Variants in ZFHX3 observed in about 807,000 individuals in gnomAD.
ZFHX3 encodes zinc finger homeobox 3.
In ZFHX3, 42 loss-of-function variants were observed where a neutral mutation model predicts 279.1. The ratio of observed to expected loss-of-function variants is 0.15; its 90% CI spans 0.12 to 0.19. The LOEUF (loss-of-function observed/expected upper bound fraction) is 0.19. Ranked by LOEUF, ZFHX3 falls within the 10% of genes least tolerant of loss-of-function variation. ZFHX3 has a pLI of 1.00. For synonymous variants in ZFHX3, 2,293 were observed against 1,957.8 expected, an observed-to-expected ratio of 1.17 and a Z score of -4.52; for missense variants, 4,981 against 4,754.0, an observed-to-expected ratio of 1.05 and a Z score of -1.40.
At chr16:72,985,231 G>C (rs1257438663) in intron 1 of ZFHX3, among the ~76,000 whole-genome samples, 1 of 152,110 alleles carries the variant, frequency 6.6e-6, no homozygotes, top group Non-Finnish European at 1.5e-5. Flanking sequence ...AACCACACCA[G>C]AGATGGGCTA....
Position 72,787,855 on chromosome 16 carries a change from A to C in ZFHX3, c.10421T>G (p.Phe3474Cys). 6.2e-7 allele frequency: 1 copy of C among 1,613,976 alleles called. No individual in the cohort carries two copies. Among genetic ancestry groups the C allele is most frequent in the Non-Finnish European group, 8.5e-7 (1 of 1,180,006 alleles). ...KLVCRKCQAGFSDEEAARSHL... is the reference protein window; with the variant it reads ...KLVCRKCQAGCSDEEAARSHL... ...GCTCCTCGCTGCCTCCTCGTCGCTG[A>C]AGCCCGCCTGGCACTTGCGGCAGAC... The change falls in exon 10 of 10, where the codon TTC becomes TGC. Residue 3474 changes from phenylalanine to cysteine, a missense_variant. Phe to Cys is a radical substitution (Grantham distance 205, BLOSUM62 -2). Coordinates refer to ENST00000268489, the MANE Select transcript of ZFHX3 (RefSeq NM_006885.4).
chr16:73,566,018 G>A (rs2020445826), intron 2 of ZFHX3, among the ~76,000 whole-genome samples: 2 of 152,208 alleles, frequency 1.3e-5, no homozygotes, highest in South Asian at 4.1e-4. Context: ...CACCTGGGTA[G>A]AAGACCCCTG....
intron 5 of ZFHX3, among the ~76,000 whole-genome samples, chr16:73,236,466 T>C (rs1397856481): frequency 1.3e-5 from 2 of 152,194 alleles, no homozygotes; most frequent in East Asian, 3.9e-4. Flanking sequence ...GGCACATGTC[T>C]GTAATCCCAG....
At chr16:73,445,303 T>TGTGTGC (rs1424080186) in intron 3 of ZFHX3, among the ~76,000 whole-genome samples, 1 of 11,848 alleles carries the variant, frequency 8.4e-5, no homozygotes, top group Non-Finnish European at 4.8e-4. Flanking sequence ...TGTATATGTA[T>TGTGTGC]GTGTGTGTGT....
rs1567567120 is a variant in ZFHX3 at position 72,889,600 on chromosome 16, G to A, written c.3448+131C>T. On this transcript the variant is annotated intron_variant, in intron 4 of 9. Transcript: ENST00000268489. ...TCCTTCCAAAACACAATGCTCACCT[G>A]TGAAGTCAGTAAGGAACATGAGGAC... 7 of 812,032 alleles carry A rather than the reference G, an allele frequency of 8.6e-6. 1 individual carries two copies. The highest frequency in any genetic ancestry group is 7.3e-5 in the South Asian group (4 of 55,066). The allele number at this position is 812,032 out of a possible 1,614,324, so 50.3% of individuals were successfully genotyped here. A position where few individuals can be genotyped will look rare whatever the true frequency, so the allele number is the denominator to read the frequency against.
At chr16:73,724,868 C>T (rs2053505043) in intron 1 of ZFHX3, among the ~76,000 whole-genome samples, 1 of 152,170 alleles carries the variant, frequency 6.6e-6, no homozygotes, top group Non-Finnish European at 1.5e-5. Flanking sequence ...CTCCTCCACC[C>T]CTACCCCTCA....
rs565105544 is a variant in ZFHX3, at chr16:73,120,234, G to A, written c.-897+10734C>T. 9.2e-5 allele frequency among the ~76,000 whole-genome samples: 14 copies of A among 152,026 alleles called. No homozygotes were observed. The South Asian group carries it at 2.1e-3, about 23-fold the overall frequency. ...TCACAGTAATATTAAGCTGTTTAGAGTTCCACATTCCATACTATTTTTGTT... is the reference window on the plus strand; with the variant it reads ...TCACAGTAATATTAAGCTGTTTAGAATTCCACATTCCATACTATTTTTGTT... On this transcript the variant is annotated intron_variant, in intron 7 of 17. Transcript: ENST00000641206.
intron 1 of ZFHX3, among the ~76,000 whole-genome samples, chr16:73,848,503 G>T (rs138971931): frequency 4.6e-5 from 7 of 152,288 alleles, no homozygotes; most frequent in Middle Eastern, 3.4e-3. Context: ...CCAAAGGAAA[G>T]TAGGTTTAAG....
chr16:72,937,663 C>T (rs774502540), intron 3 of ZFHX3, among the ~76,000 whole-genome samples: 14 of 152,238 alleles, frequency 9.2e-5, no homozygotes, highest in Non-Finnish European at 1.8e-4. Context: ...TGCTACACCC[C>T]GCAGCTGCTC....
At chr16:73,481,073 G>A (rs1481004835) in intron 2 of ZFHX3, among the ~76,000 whole-genome samples, 4 of 152,086 alleles carry the variant, frequency 2.6e-5, no homozygotes, top group African/African-American at 7.2e-5. Context: ...GCTCACACCT[G>A]TAATCCCAGA....
chr16:73,460,745 T>A (rs534374324), intron 2 of ZFHX3, among the ~76,000 whole-genome samples: 1 of 152,340 alleles, frequency 6.6e-6, no homozygotes, highest in East Asian at 1.9e-4. Context: ...TCATGAATGC[T>A]TTAGCACCAT....
chr16:73,593,943 G>C (rs2052023978), intron 2 of ZFHX3, among the ~76,000 whole-genome samples: 1 of 152,122 alleles, frequency 6.6e-6, no homozygotes, highest in South Asian at 2.1e-4. Flanking sequence ...TCTTGTTAAT[G>C]GTCAAATACT....
At chr16:72,865,392 G>C (rs2037992801) in intron 4 of ZFHX3, among the ~76,000 whole-genome samples, 2 of 152,202 alleles carry the variant, frequency 1.3e-5, no homozygotes, top group African/African-American at 4.8e-5. Flanking sequence ...GGCTCTGAGT[G>C]CCATGGATCT....
At chr16:73,495,666 T>G (rs980916069) in intron 2 of ZFHX3, among the ~76,000 whole-genome samples, 9 of 152,262 alleles carry the variant, frequency 5.9e-5, no homozygotes, top group African/African-American at 1.7e-4. Flanking sequence ...ATTTTGCCCC[T>G]GAAAAGACGT....
At chr16:73,029,984 A>G (rs1223749903) in intron 1 of ZFHX3, among the ~76,000 whole-genome samples, 1 of 152,244 alleles carries the variant, frequency 6.6e-6, no homozygotes, top group East Asian at 1.9e-4. Flanking sequence ...TTGATCCTCT[A>G]ATTTTCCACA....
intron 4 of ZFHX3, among the ~76,000 whole-genome samples, chr16:73,304,245 A>T (rs914028706): frequency 2.0e-4 from 31 of 152,186 alleles, no homozygotes; most frequent in African/African-American, 6.5e-4. Flanking sequence ...TCATGTAAAT[A>T]GGGCAGATGA....
intron 3 of ZFHX3, among the ~76,000 whole-genome samples, chr16:73,341,427 AG>A (rs1419526049): frequency 2.6e-5 from 4 of 152,204 alleles, no homozygotes; most frequent in Non-Finnish European, 5.9e-5. Context: ...AAGATACATA[AG>A]TAGCCTTTAA....
chr16:73,007,072 T>G (rs1011290877), intron 1 of ZFHX3, among the ~76,000 whole-genome samples: 1 of 152,218 alleles, frequency 6.6e-6, no homozygotes, highest in African/African-American at 2.4e-5. Context: ...TATATTATGT[T>G]TTTCTTCTTG....
intron 4 of ZFHX3, among the ~76,000 whole-genome samples, chr16:73,312,169 G>A (rs2064019134): frequency 6.6e-6 from 1 of 152,044 alleles, no homozygotes; most frequent in Admixed American, 6.6e-5. Context: ...GTAGTAAGGA[G>A]CTTGAAATTG....
Sources: allele counts gnomAD v4.1 joint callset (sites outside exome capture counted in the v4.1 genomes callset), GRCh38; gene constraint gnomAD v4.1.1; transcripts MANE v1.5; gene names NCBI Gene and HGNC (gene_info 2026-07-23, HGNC 2026-07-21).